The following TENM3 variants were observed in gnomAD, a reference collection of about 807,000 sequenced individuals.
The protein encoded by TENM3 is teneurin transmembrane protein 3, also known as teneurin-3.
Under a neutral mutation model 255.1 loss-of-function variants are expected in TENM3, and 63 were observed. That is an observed-to-expected ratio of 0.25 (90% CI 0.20 to 0.30). The LOEUF is 0.30. TENM3 is among the 10% of genes least tolerant of loss of function. The probability of loss-of-function intolerance (pLI) is 1.00; values close to 1 mark genes in which losing one functional copy is unlikely to be tolerated. For missense variants in TENM3, 2,929 were observed against 3,461.1 expected, an observed-to-expected ratio of 0.85 and a Z score of 3.86; for synonymous variants, 1,306 against 1,322.3, an observed-to-expected ratio of 0.99 and a Z score of 0.27.
chr4:182,736,352 C>T (rs1761162129), intron 16 of TENM3, among the ~76,000 whole-genome samples: 1 of 152,214 alleles, frequency 6.6e-6, no homozygotes, highest in Non-Finnish European at 1.5e-5. Flanking sequence ...TCTGAGCTAA[C>T]CATCTTACAA....
At chr4:181,582,279 A>C in the TENM3 span, among the ~76,000 whole-genome samples, 3 of 152,048 alleles carry the variant, frequency 2.0e-5, no homozygotes, top group Non-Finnish European at 4.4e-5. Context: ...ATTGAGAAAA[A>C]GAAAAAGGAG....
At chr4:181,661,818 T>A in the TENM3 span, among the ~76,000 whole-genome samples, 1 of 152,048 alleles carries the variant, frequency 6.6e-6, no homozygotes, top group East Asian at 1.9e-4. Context: ...TTTTCCCTCT[T>A]TCTTCTGCCA....
chr4:182,328,298 C>T (rs1353705915), intron 2 of TENM3, among the ~76,000 whole-genome samples: 1 of 152,114 alleles, frequency 6.6e-6, no homozygotes, highest in Non-Finnish European at 1.5e-5. Context: ...TCACTGCAAC[C>T]TCTGCCTCCT....
chr4:182,784,499 G>A (rs1195117421), intron 24 of TENM3, among the ~76,000 whole-genome samples: 1 of 151,580 alleles, frequency 6.6e-6, no homozygotes, highest in African/African-American at 2.4e-5. Flanking sequence ...GGTTACTGCT[G>A]TCTTTTTGTT....
intron 3 of TENM3, among the ~76,000 whole-genome samples, chr4:182,599,266 A>G (rs1021414078): frequency 6.6e-6 from 1 of 152,170 alleles, no homozygotes; most frequent in African/African-American, 2.4e-5. Flanking sequence ...CACAATGACA[A>G]CTGTATGTGC....
At chr4:182,344,857 A>C (rs2150653380) in intron 2 of TENM3, among the ~76,000 whole-genome samples, 1 of 152,318 alleles carries the variant, frequency 6.6e-6, no homozygotes, top group South Asian at 2.1e-4. Context: ...CAATTCCATT[A>C]ACTGTTCATG....
At chr4:182,552,549 G>C (rs1742157014) in intron 3 of TENM3, among the ~76,000 whole-genome samples, 1 of 152,162 alleles carries the variant, frequency 6.6e-6, no homozygotes, top group African/African-American at 2.4e-5. Flanking sequence ...TGTTCTGAGA[G>C]CTACCAAGCT....
chr4:181,770,403 G>T, the TENM3 span, among the ~76,000 whole-genome samples: 6 of 152,094 alleles, frequency 3.9e-5, no homozygotes, highest in Non-Finnish European at 8.8e-5. Flanking sequence ...GGCCGGGCGT[G>T]GTGGCTCACG....
At chr4:182,510,178 G>A (rs1737246468) in intron 3 of TENM3, among the ~76,000 whole-genome samples, 1 of 152,076 alleles carries the variant, frequency 6.6e-6, no homozygotes, top group Non-Finnish European at 1.5e-5. Context: ...GATTATTTTT[G>A]TTTTGTTTTC....
chr4:182,086,427 C>T, the TENM3 span, among the ~76,000 whole-genome samples: 1 of 152,192 alleles, frequency 6.6e-6, no homozygotes, highest in Admixed American at 6.5e-5. Context: ...TTGCCACCTT[C>T]TGTGTCTTTT....
the TENM3 span, among the ~76,000 whole-genome samples, chr4:181,630,929 A>G: frequency 2.6e-5 from 4 of 152,122 alleles, no homozygotes; most frequent in African/African-American, 9.7e-5. Flanking sequence ...AAATTCTACA[A>G]ACATAACAGC....
At chr4:181,614,100 T>TG in the TENM3 span, among the ~76,000 whole-genome samples, 1 of 34,632 alleles carries the variant, frequency 2.9e-5, no homozygotes, top group East Asian at 8.9e-4. Context: ...CATACATAAA[T>TG]TTTTTCATTT....
At chr4:182,455,981 C>G (rs1773849013) in intron 3 of TENM3, among the ~76,000 whole-genome samples, 2 of 152,350 alleles carry the variant, frequency 1.3e-5, no homozygotes, top group East Asian at 3.9e-4. Context: ...GTCTCCCCCA[C>G]TAGGGGGACA....
chr4:182,024,433 A>G, the TENM3 span, among the ~76,000 whole-genome samples: 2 of 152,184 alleles, frequency 1.3e-5, no homozygotes, highest in African/African-American at 4.8e-5. Flanking sequence ...GTTTGTTTAC[A>G]TATTTATGTA....
intron 1 of TENM3, among the ~76,000 whole-genome samples, chr4:182,147,598 G>T (rs775983273): frequency 1.3e-5 from 2 of 152,174 alleles, no homozygotes; most frequent in Non-Finnish European, 2.9e-5. Flanking sequence ...AACCTGTTAA[G>T]CATGTTGAAT....
chr4:182,445,935 T>C (rs1772877999), intron 3 of TENM3, among the ~76,000 whole-genome samples: 1 of 152,316 alleles, frequency 6.6e-6, no homozygotes, highest in East Asian at 1.9e-4. Flanking sequence ...CAAACTATAG[T>C]AGAAGAAAAC....
At chr4:181,532,774 G>A in the TENM3 span, among the ~76,000 whole-genome samples, 8 of 151,894 alleles carry the variant, frequency 5.3e-5, no homozygotes, top group Non-Finnish European at 1.5e-5. Context: ...ACCATAAATG[G>A]CTATATAGTT....
intron 1 of TENM3, among the ~76,000 whole-genome samples, chr4:182,232,141 A>G (rs1188660834): frequency 1.3e-5 from 2 of 152,082 alleles, no homozygotes; most frequent in Non-Finnish European, 2.9e-5. Context: ...CGTATATACA[A>G]ATGTCTATTC....
At chr4:182,703,098 C>T (rs1167478937) in intron 12 of TENM3, among the ~76,000 whole-genome samples, 1 of 152,076 alleles carries the variant, frequency 6.6e-6, no homozygotes, top group Non-Finnish European at 1.5e-5. Context: ...TTCAATTGTT[C>T]TTGTGTGTAT....
Sources: gnomAD v4.1 joint callset for allele counts (sites outside exome capture counted in the v4.1 genomes callset) on GRCh38, gnomAD v4.1.1 for gene constraint, MANE v1.5 for transcripts, NCBI Gene and HGNC (gene_info 2026-07-23, HGNC 2026-07-21) for gene names.